The following PIK3R1 variants were observed in gnomAD, a reference collection of about 807,000 sequenced individuals.
The protein encoded by PIK3R1 is phosphoinositide-3-kinase regulatory subunit 1, also known as phosphatidylinositol 3-kinase regulatory subunit alpha.
A neutral mutation model predicts 98.0 loss-of-function variants in PIK3R1; 29 were observed. The observed-to-expected ratio is 0.30, with a 90% confidence interval of 0.22 to 0.40. PIK3R1 has a LOEUF of 0.40. PIK3R1 is among the 10% of genes least tolerant of loss of function. The probability of loss-of-function intolerance (pLI) is 1.00; values close to 1 mark genes in which losing one functional copy is unlikely to be tolerated. For synonymous variants in PIK3R1, 282 were observed against 311.8 expected (o/e 0.90, Z 1.01); for missense variants, 596 against 872.7 (o/e 0.68, Z 3.99).
At chr5:68,251,679 A>T (rs549432595) in intron 2 of PIK3R1, among the ~76,000 whole-genome samples, 141 of 152,284 alleles carry the variant, frequency 9.3e-4, no homozygotes, top group African/African-American at 3.2e-3. Flanking sequence ...TTTTTTATGG[A>T]CAGAACTACA....
chr5:68,253,671 G>A (rs1361163520), intron 2 of PIK3R1, among the ~76,000 whole-genome samples: 3 of 152,104 alleles, frequency 2.0e-5, no homozygotes, highest in African/African-American at 7.2e-5. Flanking sequence ...CCCCCAACAT[G>A]AGCTATTAAT....
At chr5:68,217,906 T>A (rs992176246) in intron 1 of PIK3R1, 1 of 152,154 alleles carries the variant, frequency 6.6e-6, no homozygotes, top group African/African-American at 2.4e-5. Context: ...TAATGTGCAT[T>A]TACTTTTAAC....
At chr5:68,268,243 T>A (rs191253864) in intron 2 of PIK3R1, among the ~76,000 whole-genome samples, 35 of 152,330 alleles carry the variant, frequency 2.3e-4, no homozygotes, top group African/African-American at 8.2e-4. Context: ...TTTAAAGCTC[T>A]GCTTCTAATC....
At chr5:68,249,280 A>T (rs1745213876) in intron 2 of PIK3R1, among the ~76,000 whole-genome samples, 1 of 152,246 alleles carries the variant, frequency 6.6e-6, no homozygotes, top group Non-Finnish European at 1.5e-5. Context: ...ACCAAAGAAG[A>T]GTAGAATTAG....
chr5:68,295,532 T>A, intron 14 of PIK3R1, 44 bp downstream of exon 14: 1 of 1,533,430 alleles, frequency 6.5e-7, no homozygotes. Context: ...ATTTTTCTCA[T>A]TTTAGGAAAA....
chr5:68,236,926 T>G (rs1744689834), intron 2 of PIK3R1, among the ~76,000 whole-genome samples: 1 of 152,238 alleles, frequency 6.6e-6, no homozygotes, highest in Non-Finnish European at 1.5e-5. Flanking sequence ...AAGTTTTGGG[T>G]ATGTGCATGT....
chr5:68,277,008 G>T (rs746412652), intron 4 of PIK3R1, among the ~76,000 whole-genome samples: 126 of 152,154 alleles, frequency 8.3e-4, no homozygotes, highest in Admixed American at 4.6e-3. Context: ...TTGTTAGAGG[G>T]GTGGCTCATT....
Position 68,298,563 on chromosome 5 carries a change from G to C in PIK3R1, c.*962G>C. 4.6e-6 allele frequency: 1 copy of C among 219,190 alleles called. No homozygotes were observed. The allele number at this position is 219,190 out of a possible 1,614,324, so 13.6% of individuals were successfully genotyped here. Reference sequence around the variant, plus strand: ...TCCTTTTTTAAAAGTAAATGTACAGGATGCCAGTAAAAAAAAAAAATGGCT... The same window carrying C: ...TCCTTTTTTAAAAGTAAATGTACAGCATGCCAGTAAAAAAAAAAAATGGCT... On this transcript the variant is annotated 3_prime_UTR_variant, in exon 16 of 16. Coordinates refer to ENST00000521381, the MANE Select transcript of PIK3R1 (RefSeq NM_181523.3).
chr5:68,262,682 T>G (rs10036950), intron 2 of PIK3R1, among the ~76,000 whole-genome samples: 624 of 25,306 alleles, frequency 0.025, 65 homozygotes, highest in African/African-American at 0.064. Context: ...GATACATGTA[T>G]CTGCATGTAT....
chr5:68,221,858 A>G (rs899644233), intron 1 of PIK3R1, among the ~76,000 whole-genome samples: 1 of 152,256 alleles, frequency 6.6e-6, no homozygotes, highest in African/African-American at 2.4e-5. Context: ...GCTTCTGATT[A>G]ATGGGATTGC....
In PIK3R1 at chr5:68,226,704, C is replaced by T. The variant is rs767837787; in HGVS notation, c.29C>T (p.Ala10Val). The T allele has an allele frequency of 1.5e-5, 24 of 1,613,732 alleles. No individual in the cohort carries two copies. The highest frequency in any genetic ancestry group is 9.3e-5 in the African/African-American group (7 of 74,970). The change falls in exon 2 of 16, where the codon GCG (alanine) becomes GTG (valine). Residue 10 changes from alanine to valine, a missense_variant. This residue lies in a region of PIK3R1 where 352 missense variants were observed against 393.3 expected (regional missense o/e 0.90). Coordinates refer to ENST00000521381, the MANE Select transcript of PIK3R1 (RefSeq NM_181523.3). ...AGTGCTGAGGGGTACCAGTACAGAGCGCTGTATGATTATAAAAAGGAAAGA... is the reference window on the plus strand; with the variant it reads ...AGTGCTGAGGGGTACCAGTACAGAGTGCTGTATGATTATAAAAAGGAAAGA... The part of the protein sequence containing the change: MSAEGYQYR[A>V]LYDYKKEREE...
intron 2 of PIK3R1, among the ~76,000 whole-genome samples, chr5:68,254,120 A>G (rs1316237718): frequency 6.6e-6 from 1 of 152,088 alleles, no homozygotes. Context: ...TTGACCAGTC[A>G]GTGTTGGAGC....
At chr5:68,262,458 ATATATC>A (rs1255275279) in intron 2 of PIK3R1, among the ~76,000 whole-genome samples, 1 of 146,030 alleles carries the variant, frequency 6.8e-6, no homozygotes, top group African/African-American at 2.5e-5. Flanking sequence ...GAATACATAT[ATATATC>A]TATATATGTA....
At chr5:68,293,898 A>G (rs1362622517) in intron 11 of PIK3R1, 64 bp downstream of exon 11, 27 of 1,290,622 alleles carry the variant, frequency 2.1e-5, no homozygotes, top group Non-Finnish European at 2.7e-5. Flanking sequence ...ACTAACATGG[A>G]AAAAAGAATT....
At position 68,293,195 on chromosome 5, in the gene PIK3R1, C is replaced by G. The variant is rs2112254729; in HGVS notation, c.1114C>G (p.Leu372Val). 1 of 1,611,624 alleles carries G rather than the reference C, an allele frequency of 6.2e-7. No individual in the cohort carries two copies. The highest frequency in any genetic ancestry group is 8.5e-7 in the Non-Finnish European group (1 of 1,177,958). ...TKMHGDYTLTLRKGGNNKLIK... is the reference protein window; with the variant it reads ...TKMHGDYTLTVRKGGNNKLIK... ...AATGCATGGTGATTATACTCTTACA[C>G]TAAGGTAAGCCAGGGAATATAGCTG... The change falls in exon 9 of 16, where the codon CTA becomes GTA. Residue 372 changes from leucine to valine, a missense_variant. Around this residue, in one of 3 missense-constraint regions of PIK3R1, gnomAD observed 37 missense variants for 118.0 expected, o/e 0.31. Transcript: ENST00000521381.
chr5:68,263,772 T>C (rs1446292487), intron 2 of PIK3R1, among the ~76,000 whole-genome samples: 2 of 152,216 alleles, frequency 1.3e-5, no homozygotes, highest in Non-Finnish European at 2.9e-5. Context: ...CACCAGCTGA[T>C]AGGGAATTTT....
rs1744565421 is a variant in PIK3R1, at chr5:68,233,763, T to C, written c.334+6754T>C. Among the ~76,000 whole-genome samples the C allele has an allele frequency of 2.0e-5, 3 of 152,212 alleles. No homozygotes were observed. In the South Asian group the frequency reaches 6.2e-4, roughly 31 times the overall value. The stretch of plus-strand genomic sequence containing the variant: ...ACATTGTTAAAATATATCCTTGCAA[T>C]TAAAAACAAAACAAATCAGCTGCAA... On this transcript the variant is annotated intron_variant, in intron 2 of 15. Transcript: ENST00000521381.
rs1020145045 is a variant in PIK3R1, at chr5:68,294,729, C to T, written c.1568+51C>T. 10 of 1,452,522 alleles carry T rather than the reference C, an allele frequency of 6.9e-6. No individual in the cohort carries two copies. In the African/African-American group the frequency reaches 1.5e-4, roughly 21 times the overall value. 90.0% of individuals were successfully genotyped at this position (1,452,522 alleles called of 1,614,324 possible). ...TAGAGATAACCAAAATCCTCTAAAA[C>T]CATTTAAAGATGATCTCGCTTTCTG... On this transcript the variant is annotated intron_variant, in intron 12 of 15. Transcript: ENST00000521381.
At chr5:68,289,331 G>A (rs1035308204) in intron 7 of PIK3R1, among the ~76,000 whole-genome samples, 2 of 152,164 alleles carry the variant, frequency 1.3e-5, no homozygotes, top group Admixed American at 6.5e-5. Context: ...AGGTGAGCCT[G>A]CTTTTCCCAA....
Sources: gnomAD v4.1 joint callset for allele counts (sites outside exome capture counted in the v4.1 genomes callset) on GRCh38, gnomAD v4.1.1 for gene constraint, gnomAD v4.1.1 regional missense constraint, MANE v1.5 for transcripts, NCBI Gene and HGNC (gene_info 2026-07-23, HGNC 2026-07-21) for gene names.